The following LLPH variants were observed in gnomAD, a reference collection of about 807,000 sequenced individuals.
The protein encoded by LLPH is protein LLP homolog.
Under a neutral mutation model 13.3 loss-of-function variants are expected in LLPH, and 5 were observed. That is an observed-to-expected ratio of 0.38 (90% CI 0.20 to 0.79). The LOEUF is 0.79. Among genes scored for constraint, LLPH ranks in the 30% least tolerant of loss-of-function variants. The pLI is 0.45. For missense variants in LLPH, 129 were observed against 152.1 expected, an observed-to-expected ratio of 0.85 and a Z score of 0.80; for synonymous variants, 32 against 44.2, an observed-to-expected ratio of 0.72 and a Z score of 1.09.
intron 2 of LLPH, among the ~76,000 whole-genome samples, chr12:66,126,944 A>AC (rs2051501198): frequency 2.0e-5 from 3 of 152,126 alleles, no homozygotes; most frequent in African/African-American, 7.2e-5. Flanking sequence ...AAAAAAACAA[A>AC]AAACAAACAA....
At chr12:66,130,051 AT>A (rs1186128678) in intron 1 of LLPH, among the ~76,000 whole-genome samples, 1 of 151,940 alleles carries the variant, frequency 6.6e-6, no homozygotes, top group African/African-American at 2.4e-5. Flanking sequence ...CTCCATCCCC[AT>A]CCCCGCAGGC....
intron 2 of LLPH, among the ~76,000 whole-genome samples, chr12:66,128,593 G>C (rs2051512093): frequency 6.6e-6 from 1 of 152,084 alleles, no homozygotes; most frequent in Non-Finnish European, 1.5e-5. Flanking sequence ...AGACATGGAG[G>C]CTATTGTATA....
chr12:66,128,201 T>C (rs980196815), intron 2 of LLPH, among the ~76,000 whole-genome samples: 5 of 152,152 alleles, frequency 3.3e-5, no homozygotes, highest in African/African-American at 1.2e-4. Flanking sequence ...CCCCTAAGGT[T>C]GGGAGATTGA....
Position 66,116,824 on chromosome 12 carries a change from CTT to C in LLPH, c.*7014_*7015del, listed in dbSNP as rs1231639477. The C allele has an allele frequency of 1.3e-5, 2 of 152,158 alleles. No homozygotes were observed. The highest frequency in any genetic ancestry group is 4.8e-5 in the African/African-American group (2 of 41,444). The allele number at this position is 152,158 out of a possible 1,614,324, so 9.4% of individuals were successfully genotyped here. ...ATTCTTTAAATGAAAACTTGAAGGA[CTT>C]TACTCCATTCATTTTTCTTTACAGG... is the stretch of plus-strand genomic sequence containing the variant. On this transcript the variant is annotated 3_prime_UTR_variant, in exon 3 of 3. Coordinates refer to ENST00000266604, the MANE Select transcript of LLPH (RefSeq NM_032338.4).
chr12:66,129,041 G>A lies in LLPH; in HGVS notation c.66C>T (p.Ala22=). 6.2e-7 allele frequency: 1 copy of A among 1,612,024 alleles called. No homozygotes were observed. Among genetic ancestry groups the A allele is most frequent in the Non-Finnish European group, 8.5e-7 (1 of 1,178,460 alleles). ...KMRAEKRKKN[A]PKEASRLKSI... The stretch of plus-strand genomic sequence containing the variant: ...TTTTAAGCCTGCTGGCCTCCTTTGG[G>A]GCATTCTTTTTTCTCTTTTCAGCAC... The change falls in exon 2 of 3, where the codon GCC becomes GCT. Residue 22 remains alanine, a synonymous_variant. Transcript: ENST00000266604.
rs1359196298 is a variant in LLPH, at chr12:66,118,202, A to T, written c.*5638T>A. 1 of 152,254 alleles carries T rather than the reference A, an allele frequency of 6.6e-6. No homozygotes were observed. The highest frequency in any genetic ancestry group is 2.1e-4 in the South Asian group (1 of 4,828). The allele number at this position is 152,254 out of a possible 1,614,324, so 9.4% of individuals were successfully genotyped here. A position where few individuals can be genotyped will look rare whatever the true frequency, so the allele number is the denominator to read the frequency against. On this transcript the variant is annotated 3_prime_UTR_variant, in exon 3 of 3. Coordinates refer to ENST00000266604, the MANE Select transcript of LLPH (RefSeq NM_032338.4). ...AACATGGAGAAACCTCATCTCTACC[A>T]AAAATACAAAATTAGCCGGCCGTGG... is the stretch of plus-strand genomic sequence containing the variant.
chr12:66,124,754 T>C (rs2051485832), intron 2 of LLPH, among the ~76,000 whole-genome samples: 1 of 152,232 alleles, frequency 6.6e-6, no homozygotes, highest in Non-Finnish European at 1.5e-5. Context: ...GTGTCTGGTA[T>C]ATAACAGCCA....
chr12:66,124,426 A>T (rs995156589), intron 2 of LLPH, among the ~76,000 whole-genome samples: 1 of 152,212 alleles, frequency 6.6e-6, no homozygotes, highest in African/African-American at 2.4e-5. Flanking sequence ...CGAACTTCTA[A>T]TGAACTCGAT....
rs2051466963 is a variant in LLPH, at chr12:66,122,055, G to A, written c.*1785C>T. The stretch of plus-strand genomic sequence containing the variant: ...TCATACCTACACCAAAGGCAACAAA[G>A]ATCATGAATGACATCTTTCAATTCA... On this transcript the variant is annotated 3_prime_UTR_variant, in exon 3 of 3. Transcript: ENST00000266604. 1 of 151,972 alleles carries A rather than the reference G, an allele frequency of 6.6e-6. No individual in the cohort carries two copies. Among genetic ancestry groups the A allele is most frequent in the African/African-American group, 2.4e-5 (1 of 41,378 alleles). 9.4% of individuals were successfully genotyped at this position (151,972 alleles called of 1,614,324 possible).
rs2051478538 is a variant in LLPH at position 66,123,757 on chromosome 12, T to C, written c.*83A>G. 1 of 1,392,054 alleles carries C rather than the reference T, an allele frequency of 7.2e-7. No homozygotes were observed. The highest frequency in any genetic ancestry group is 2.4e-5 in the East Asian group (1 of 41,628). The allele number at this position is 1,392,054 out of a possible 1,614,324, so 86.2% of individuals were successfully genotyped here. On this transcript the variant is annotated 3_prime_UTR_variant, in exon 3 of 3. Coordinates refer to ENST00000266604, the MANE Select transcript of LLPH (RefSeq NM_032338.4). ...AGGAAAACAAATGGTTTTCATTTGG[T>C]GGCAGTTGAAATCAAAGTATACATG...
rs1380022187 is a variant in LLPH, at chr12:66,129,858, CTT to C, written c.-7-747_-7-746del. ...GACTGTAAACTTATCTATTCCTACT[CTT>C]GTTTTCTTTCCACTCAGTTCCGCCC... On this transcript the variant is annotated intron_variant, in intron 1 of 2. Transcript: ENST00000266604. 6.6e-5 allele frequency among the ~76,000 whole-genome samples: 10 copies of C among 152,320 alleles called. No individual in the cohort carries two copies. In the East Asian group the frequency reaches 1.9e-3, roughly 29 times the overall value.
At chr12:66,128,789 G>C in intron 2 of LLPH, 107 bp downstream of exon 2, 2 of 732,100 alleles carry the variant, frequency 2.7e-6, no homozygotes, top group Non-Finnish European at 4.5e-6. Context: ...AAGGCTGCAG[G>C]AAGCTATAAT....
Position 66,119,937 on chromosome 12 carries a change from T to A in LLPH, c.*3903A>T, listed in dbSNP as rs1224715708. ...CAAATATATACTGCTGCATCCTTAT[T>A]TGATGTAGCATGTGAATTACATAGT... On this transcript the variant is annotated 3_prime_UTR_variant, in exon 3 of 3. Coordinates refer to ENST00000266604, the MANE Select transcript of LLPH (RefSeq NM_032338.4). The A allele has an allele frequency of 6.6e-6, 1 of 152,208 alleles. No homozygotes were observed. Among genetic ancestry groups the A allele is most frequent in the African/African-American group, 2.4e-5 (1 of 41,446 alleles). The allele number at this position is 152,208 out of a possible 1,614,324, so 9.4% of individuals were successfully genotyped here.
rs1032275526 is a variant in LLPH, at chr12:66,121,905, A to T, written c.*1935T>A. 7 of 149,890 alleles carry T rather than the reference A, an allele frequency of 4.7e-5. No individual in the cohort carries two copies. The highest frequency in any genetic ancestry group is 1.0e-4 in the Non-Finnish European group (7 of 67,726). 9.3% of individuals were successfully genotyped at this position (149,890 alleles called of 1,614,324 possible). A position where few individuals can be genotyped will look rare whatever the true frequency, so the allele number is the denominator to read the frequency against. On this transcript the variant is annotated 3_prime_UTR_variant, in exon 3 of 3. Transcript: ENST00000266604. ...TCTCAAAAAAAAAAAAAAAAAAAAC[A>T]TAAATAATTCAGCTACTGTATTTAG...
Position 66,128,840 on chromosome 12 carries a change from C to A in LLPH, c.211+56G>T, listed in dbSNP as rs1263349431. Reference sequence around the variant, plus strand: ...TAGCCTAGGTGACAGAGGAAGGAGACCCTGCCTCAAAAAAAAAAAAAAAAA... The same window carrying A: ...TAGCCTAGGTGACAGAGGAAGGAGAACCTGCCTCAAAAAAAAAAAAAAAAA... On this transcript the variant is annotated intron_variant, in intron 2 of 2. Transcript: ENST00000266604. 2.9e-5 allele frequency: 35 copies of A among 1,220,242 alleles called. 1 individual carries two copies. The highest frequency in any genetic ancestry group is 2.7e-4 in the South Asian group (20 of 74,120). The allele number at this position is 1,220,242 out of a possible 1,614,324, so 75.6% of individuals were successfully genotyped here. A position where few individuals can be genotyped will look rare whatever the true frequency, so the allele number is the denominator to read the frequency against.
chr12:66,128,853 A>AG, intron 2 of LLPH, 43 bp downstream of exon 2: 1 of 1,126,988 alleles, frequency 8.9e-7, no homozygotes, highest in Non-Finnish European at 1.2e-6. Flanking sequence ...TGCCTCAAAA[A>AG]AAAAAAAAAA....
intron 2 of LLPH, among the ~76,000 whole-genome samples, chr12:66,126,132 G>A (rs2051494736): frequency 6.6e-6 from 1 of 151,932 alleles, no homozygotes; most frequent in Admixed American, 6.6e-5. Flanking sequence ...AGACCATCCT[G>A]GCTAACATGG....
At chr12:66,125,912 T>A (rs558882304) in intron 2 of LLPH, among the ~76,000 whole-genome samples, 5 of 152,038 alleles carry the variant, frequency 3.3e-5, no homozygotes, top group Admixed American at 6.5e-5. Context: ...ATACCATAAA[T>A]AAAAATTTCA....
intron 2 of LLPH, among the ~76,000 whole-genome samples, chr12:66,127,134 T>C (rs2051502311): frequency 6.6e-6 from 1 of 152,058 alleles, no homozygotes; most frequent in South Asian, 2.1e-4. Flanking sequence ...GAATGTAAAA[T>C]AGTGTGGCTG....
Sources: allele counts gnomAD v4.1 joint callset (sites outside exome capture counted in the v4.1 genomes callset), GRCh38; gene constraint gnomAD v4.1.1; transcripts MANE v1.5; gene names NCBI Gene and HGNC (gene_info 2026-07-23, HGNC 2026-07-21).